The following ASTN2 variants were observed in gnomAD, a reference collection of about 807,000 sequenced individuals.
ASTN2 encodes astrotactin-2.
ASTN2 carries 54 observed loss-of-function variants against 139.8 expected under a neutral mutation model. That is an observed-to-expected ratio of 0.39 (90% confidence interval 0.31 to 0.48). The LOEUF is 0.48. Ranked by LOEUF, ASTN2 falls within the 20% of genes least tolerant of loss-of-function variation. The probability of loss-of-function intolerance (pLI) is 0.95; values close to 1 mark genes in which losing one functional copy is unlikely to be tolerated. For missense variants in ASTN2, 1,565 were observed against 1,725.1 expected (o/e 0.91, Z 1.64); for synonymous variants, 756 against 719.5 (o/e 1.05, Z -0.81).
At chr9:116,463,568 C>T (rs1848557889) in intron 20 of ASTN2, among the ~76,000 whole-genome samples, 1 of 152,196 alleles carries the variant, frequency 6.6e-6, no homozygotes, top group South Asian at 2.1e-4. Flanking sequence ...ATGCCTGTCA[C>T]CTCTCTGGGG....
At chr9:117,112,240 T>C (rs1829268978) in intron 4 of ASTN2, among the ~76,000 whole-genome samples, 1 of 151,914 alleles carries the variant, frequency 6.6e-6, no homozygotes, top group Non-Finnish European at 1.5e-5. Flanking sequence ...AAATACAAGT[T>C]ATAATCCCAA....
chr9:116,791,033 A>AAG (rs1330016624), intron 13 of ASTN2, among the ~76,000 whole-genome samples: 1 of 105,804 alleles, frequency 9.5e-6, no homozygotes. Flanking sequence ...GAAAGAAAGA[A>AAG]AGAAAGAAAG....
chr9:116,644,298 A>C (rs1857484598), intron 17 of ASTN2, among the ~76,000 whole-genome samples: 1 of 152,222 alleles, frequency 6.6e-6, no homozygotes, highest in Admixed American at 6.5e-5. Flanking sequence ...CCACAAGACT[A>C]GAATTACACA....
In ASTN2 at chr9:117,288,576, C is replaced by A. The variant is rs181236658; in HGVS notation, c.630+2750G>T. Among the ~76,000 whole-genome samples the A allele has an allele frequency of 2.9e-4, 44 of 152,304 alleles. No individual in the cohort carries two copies. The East Asian group carries it at 7.7e-3, about 27-fold the overall frequency. On this transcript the variant is annotated intron_variant, in intron 2 of 22. Coordinates refer to ENST00000313400, the MANE Select transcript of ASTN2 (RefSeq NM_001365068.1). ...TGGGGAAATCCTGGCCCCAGAACTG[C>A]CTTTTTGTTAGCCCAGGAGACTTAG...
At chr9:117,223,617 T>C (rs908141378) in intron 2 of ASTN2, among the ~76,000 whole-genome samples, 14 of 152,146 alleles carry the variant, frequency 9.2e-5, no homozygotes, top group Admixed American at 2.6e-4. Context: ...TCCAGAAAGT[T>C]ATACAAGATA....
Position 116,993,876 on chromosome 9 carries a change from A to ATATTTTTT in ASTN2, c.1591+14215_1591+14216insAAAAAATA, listed in dbSNP as rs1030120382. Among the ~76,000 whole-genome samples, 760 of 142,024 alleles carry ATATTTTTT rather than the reference A, an allele frequency of 5.4e-3. 9 individuals are homozygous for ATATTTTTT. Among genetic ancestry groups the ATATTTTTT allele is most frequent in the African/African-American group, 0.019 (719 of 38,832 alleles). 93.2% of individuals were successfully genotyped at this position (142,024 alleles called of 152,430 possible). ...ATGATATATATATATATATATATATATTTTAACTATATTACTATATATATT... is the reference window on the plus strand; with the variant it reads ...ATGATATATATATATATATATATATATATTTTTTTTTTAACTATATTACTATATATATT... On this transcript the variant is annotated intron_variant, in intron 7 of 22. Coordinates refer to ENST00000313400, the MANE Select transcript of ASTN2 (RefSeq NM_001365068.1).
intron 1 of ASTN2, among the ~76,000 whole-genome samples, chr9:117,408,147 ATT>A (rs35658539): frequency 7.0e-5 from 10 of 142,516 alleles, no homozygotes; most frequent in South Asian, 4.3e-4. Context: ...TTCCTTGTAG[ATT>A]TTTTTTTTTT....
chr9:116,509,060 C>G (rs536973511), intron 19 of ASTN2, among the ~76,000 whole-genome samples: 1 of 152,016 alleles, frequency 6.6e-6, no homozygotes, highest in African/African-American at 2.4e-5. Flanking sequence ...GTACAACGTG[C>G]AGGTTAGTTA....
rs1182996328 is a variant in ASTN2 at position 116,565,377 on chromosome 9, CTCTCTCTCTCCATA to C, written c.3355+52933_3355+52946del. Among the ~76,000 whole-genome samples, 231 of 33,116 alleles carry C rather than the reference CTCTCTCTCTCCATA, an allele frequency of 7.0e-3. 5 individuals carry two copies. In the South Asian group the frequency reaches 0.1, roughly 15 times the overall value. The allele number at this position is 33,116 out of a possible 152,430, so 21.7% of individuals were successfully genotyped here. A position where few individuals can be genotyped will look rare whatever the true frequency, so the allele number is the denominator to read the frequency against. On this transcript the variant is annotated intron_variant, in intron 19 of 22. Coordinates refer to ENST00000313400, the MANE Select transcript of ASTN2 (RefSeq NM_001365068.1). ...TCTCTCTCTCTCTCTCTCTCTCTCT[CTCTCTCTCTCCATA>C]TATATATATATATATATATATATAT...
intron 19 of ASTN2, among the ~76,000 whole-genome samples, chr9:116,565,808 G>T (rs73655405): frequency 0.16 from 24,042 of 151,882 alleles, 2,042 homozygotes; most frequent in African/African-American, 0.21. Flanking sequence ...TTTTTTAAAT[G>T]TTGGCTCCAA....
chr9:116,768,349 AG>A (rs1283736993), intron 13 of ASTN2, among the ~76,000 whole-genome samples: 6 of 152,162 alleles, frequency 3.9e-5, no homozygotes, highest in Non-Finnish European at 8.8e-5. Context: ...ACCTCTGAGT[AG>A]CCTATGACAC....
chr9:116,565,388 CATATATATATATATATATATAT>C lies in ASTN2; in HGVS notation c.3355+52914_3355+52935del, dbSNP rs1164878126. On this transcript the variant is annotated intron_variant, in intron 19 of 22. Coordinates refer to ENST00000313400, the MANE Select transcript of ASTN2 (RefSeq NM_001365068.1). The stretch of plus-strand genomic sequence containing the variant: ...CTCTCTCTCTCTCTCTCTCTCTCTC[CATATATATATATATATATATAT>C]ATATATATATATATATATATTTATT... Among the ~76,000 whole-genome samples the C allele has an allele frequency of 2.9e-4, 10 of 34,024 alleles. 1 individual carries two copies. Among genetic ancestry groups the C allele is most frequent in the Non-Finnish European group, 4.4e-4 (9 of 20,668 alleles). The allele number at this position is 34,024 out of a possible 152,430, so 22.3% of individuals were successfully genotyped here. A position where few individuals can be genotyped will look rare whatever the true frequency, so the allele number is the denominator to read the frequency against.
chr9:116,483,008 T>C (rs1849223324), intron 20 of ASTN2, among the ~76,000 whole-genome samples: 1 of 152,190 alleles, frequency 6.6e-6, no homozygotes, highest in Non-Finnish European at 1.5e-5. Flanking sequence ...GCTAATTACC[T>C]TGGGTAATAG....
intron 13 of ASTN2, among the ~76,000 whole-genome samples, chr9:116,789,920 C>CTTTTTT (rs57433960): frequency 6.8e-4 from 63 of 93,302 alleles, no homozygotes; most frequent in Middle Eastern, 6.8e-3. Context: ...TTCTCTTTCT[C>CTTTTTT]TTTTTTTTTT....
rs73529468 is a variant in ASTN2 at position 116,824,559 on chromosome 9, C to G, written c.2041-3776G>C. ...ATACACTATCCAGCCCCAATCAAGC[C>G]TGTTCAGATATTGGCAACCCCAGGT... On this transcript the variant is annotated intron_variant, in intron 11 of 22. Coordinates refer to ENST00000313400, the MANE Select transcript of ASTN2 (RefSeq NM_001365068.1). Among the ~76,000 whole-genome samples, 1,108 of 152,348 alleles carry G rather than the reference C, an allele frequency of 7.3e-3. 7 individuals are homozygous for G. Among genetic ancestry groups the G allele is most frequent in the African/African-American group, 0.024 (1,017 of 41,582 alleles).
chr9:117,383,958 C>T (rs1830332600), intron 1 of ASTN2, among the ~76,000 whole-genome samples: 4 of 152,086 alleles, frequency 2.6e-5, no homozygotes, highest in Admixed American at 2.6e-4. Context: ...TGATGAAATC[C>T]ACGAACAGGG....
At chr9:116,802,741 A>G (rs1320437266) in intron 13 of ASTN2, among the ~76,000 whole-genome samples, 1 of 152,246 alleles carries the variant, frequency 6.6e-6, no homozygotes, top group Non-Finnish European at 1.5e-5. Flanking sequence ...CCCCATTTTA[A>G]AGATGAAGCA....
At chr9:117,340,429 T>C (rs1829031381) in intron 1 of ASTN2, among the ~76,000 whole-genome samples, 1 of 150,564 alleles carries the variant, frequency 6.6e-6, no homozygotes, top group African/African-American at 2.5e-5. Flanking sequence ...GAACACCGGT[T>C]ATAGAAGAAA....
intron 19 of ASTN2, among the ~76,000 whole-genome samples, chr9:116,492,805 G>T (rs999512689): frequency 3.3e-5 from 5 of 152,140 alleles, no homozygotes; most frequent in Admixed American, 2.6e-4. Flanking sequence ...GTCTCCAAGA[G>T]ATAGGAGTTT....
Sources: gnomAD v4.1 joint callset for allele counts (sites outside exome capture counted in the v4.1 genomes callset) on GRCh38, gnomAD v4.1.1 for gene constraint, MANE v1.5 for transcripts, NCBI Gene and HGNC (gene_info 2026-07-23, HGNC 2026-07-21) for gene names.